Variants in CNTNAP2 observed in about 807,000 individuals in gnomAD.
CNTNAP2 encodes the protein contactin associated protein 2.
In CNTNAP2, 98 loss-of-function variants were observed where a neutral mutation model predicts 155.2. The ratio of observed to expected loss-of-function variants is 0.63; its 90% CI spans 0.54 to 0.75. The LOEUF (loss-of-function observed/expected upper bound fraction) is 0.75. Ranked by LOEUF, CNTNAP2 falls within the 30% of genes least tolerant of loss-of-function variation. The pLI is 0.00. For missense variants in CNTNAP2, 1,727 were observed against 1,688.1 expected (o/e 1.02, Z -0.40); for synonymous variants, 651 against 631.2 (o/e 1.03, Z -0.47).
intron 9 of CNTNAP2, among the ~76,000 whole-genome samples, chr7:147,393,875 T>A (rs826830): frequency 0.14 from 21,296 of 152,040 alleles, 1,689 homozygotes; most frequent in East Asian, 0.32. Context: ...TTAATCCTTA[T>A]AGGAGATTCA....
At chr7:146,990,492 G>A (rs992103772) in intron 3 of CNTNAP2, among the ~76,000 whole-genome samples, 5 of 152,050 alleles carry the variant, frequency 3.3e-5, no homozygotes, top group Middle Eastern at 6.8e-3. Flanking sequence ...TAGACACCTA[G>A]CCTTAGTTGT....
intron 10 of CNTNAP2, among the ~76,000 whole-genome samples, chr7:147,443,231 G>A (rs1268658144): frequency 6.6e-6 from 1 of 152,160 alleles, no homozygotes; most frequent in African/African-American, 2.4e-5. Context: ...GGCTAATGCT[G>A]GTTTAAATGG....
intron 9 of CNTNAP2, among the ~76,000 whole-genome samples, chr7:147,313,912 A>G (rs1334198961): frequency 6.6e-6 from 1 of 150,588 alleles, no homozygotes; most frequent in East Asian, 2.0e-4. Flanking sequence ...ATGTTCTTCC[A>G]TTTGTTTGTA....
chr7:146,405,014 C>A (rs1795770526), intron 1 of CNTNAP2, among the ~76,000 whole-genome samples: 1 of 152,102 alleles, frequency 6.6e-6, no homozygotes, highest in South Asian at 2.1e-4. Context: ...GGCCTCTGAG[C>A]ACAGGGCTTG....
intron 1 of CNTNAP2, among the ~76,000 whole-genome samples, chr7:146,587,483 C>T (rs935510633): frequency 6.6e-6 from 1 of 152,022 alleles, no homozygotes; most frequent in Non-Finnish European, 1.5e-5. Context: ...TGTATGATTC[C>T]AAACACCGAA....
chr7:147,394,058 G>A (rs1215148834), intron 9 of CNTNAP2, among the ~76,000 whole-genome samples: 4 of 152,002 alleles, frequency 2.6e-5, no homozygotes, highest in African/African-American at 7.2e-5. Context: ...TTGAATTGTA[G>A]TTCCCATAAT....
chr7:147,969,974 G>T (rs1277018751), intron 14 of CNTNAP2, among the ~76,000 whole-genome samples: 1 of 151,360 alleles, frequency 6.6e-6, no homozygotes, highest in Non-Finnish European at 1.5e-5. Context: ...CTGTCACCCA[G>T]GCTGGAGTGC....
chr7:146,412,976 A>AC (rs1256566487), intron 1 of CNTNAP2, among the ~76,000 whole-genome samples: 21 of 151,992 alleles, frequency 1.4e-4, no homozygotes, highest in African/African-American at 4.3e-4. Flanking sequence ...GAAAATGAAG[A>AC]CCCCCCTCAG....
At chr7:146,703,795 G>A (rs895868733) in intron 1 of CNTNAP2, among the ~76,000 whole-genome samples, 1 of 152,008 alleles carries the variant, frequency 6.6e-6, no homozygotes, top group Non-Finnish European at 1.5e-5. Context: ...ATCACATTGG[G>A]GATTAGGCTT....
intron 2 of CNTNAP2, among the ~76,000 whole-genome samples, chr7:146,783,287 C>G (rs1460922954): frequency 6.6e-6 from 1 of 152,022 alleles, no homozygotes; most frequent in Non-Finnish European, 1.5e-5. Flanking sequence ...CTTTGTTTTC[C>G]TTAGCCCAAT....
chr7:147,122,960 T>A (rs1227074090), intron 6 of CNTNAP2: 1 of 152,194 alleles, frequency 6.6e-6, no homozygotes, highest in Admixed American at 6.5e-5. Flanking sequence ...TGTTTTCTAT[T>A]ATCTTTATGT....
rs796519124 is a variant in CNTNAP2, at chr7:148,051,774, G to A, written c.2384-66344G>A. ...ATTCCAAAGAATTACAGACTTCAAT[G>A]TGCAAAGAGGAAGAATGCATAGAAA... On this transcript the variant is annotated intron_variant, in intron 15 of 23. Coordinates refer to ENST00000361727, the MANE Select transcript of CNTNAP2 (RefSeq NM_014141.6). 3.3e-5 allele frequency among the ~76,000 whole-genome samples: 5 copies of A among 152,334 alleles called. 1 individual carries two copies. Among genetic ancestry groups the A allele is most frequent in the African/African-American group, 1.2e-4 (5 of 41,582 alleles).
intron 15 of CNTNAP2, among the ~76,000 whole-genome samples, chr7:148,052,486 GA>G (rs921918198): frequency 6.6e-6 from 1 of 152,016 alleles, no homozygotes; most frequent in Non-Finnish European, 1.5e-5. Flanking sequence ...TTAATAAGCA[GA>G]AAATGGTGAG....
chr7:147,283,536 A>G (rs1227779952), intron 8 of CNTNAP2, among the ~76,000 whole-genome samples: 4 of 152,034 alleles, frequency 2.6e-5, no homozygotes, highest in Non-Finnish European at 4.4e-5. Context: ...GATCTAGCTA[A>G]TGTTGTCTTT....
chr7:146,486,168 T>C (rs1035182284), intron 1 of CNTNAP2, among the ~76,000 whole-genome samples: 1 of 146,988 alleles, frequency 6.8e-6, no homozygotes, highest in African/African-American at 2.5e-5. Flanking sequence ...AGGTTCACTC[T>C]ATTCTCCTGC....
At position 146,945,178 on chromosome 7, in the gene CNTNAP2, G is replaced by C. The variant is rs75952778; in HGVS notation, c.403-98729G>C. Among the ~76,000 whole-genome samples, 151 of 152,302 alleles carry C rather than the reference G, an allele frequency of 9.9e-4. 1 individual carries two copies. Among genetic ancestry groups the C allele is most frequent in the African/African-American group, 3.5e-3 (144 of 41,574 alleles). On this transcript the variant is annotated intron_variant, in intron 3 of 23. Coordinates refer to ENST00000361727, the MANE Select transcript of CNTNAP2 (RefSeq NM_014141.6). The stretch of plus-strand genomic sequence containing the variant: ...TGCATGTGTAAAAACGATCTTGTCT[G>C]TTCTTGTTATCGTCTGCACCCTTTA...
intron 21 of CNTNAP2, among the ~76,000 whole-genome samples, chr7:148,368,531 C>T (rs1273018170): frequency 6.6e-6 from 1 of 152,116 alleles, no homozygotes; most frequent in East Asian, 1.9e-4. Flanking sequence ...CTACAGTGAG[C>T]GACAATCAGA....
intron 13 of CNTNAP2, among the ~76,000 whole-genome samples, chr7:147,639,914 G>C (rs1795245766): frequency 1.3e-5 from 2 of 152,140 alleles, no homozygotes; most frequent in Admixed American, 6.5e-5. Context: ...AGATATACTG[G>C]AAATAACTTT....
At chr7:146,802,333 A>G (rs1312523381) in intron 2 of CNTNAP2, among the ~76,000 whole-genome samples, 3 of 152,150 alleles carry the variant, frequency 2.0e-5, no homozygotes, top group Admixed American at 1.3e-4. Context: ...CCCCCCTTAC[A>G]TCAAATCCCT....
Sources: gnomAD v4.1 joint callset for allele counts (sites outside exome capture counted in the v4.1 genomes callset) on GRCh38, gnomAD v4.1.1 for gene constraint, MANE v1.5 for transcripts, NCBI Gene and HGNC (gene_info 2026-07-23, HGNC 2026-07-21) for gene names.